MICAL3: variants seen among roughly 807,000 people sequenced by gnomAD.
The protein encoded by MICAL3 is [F-actin]-monooxygenase MICAL3.
Under a neutral mutation model 207.4 loss-of-function variants are expected in MICAL3, and 62 were observed. The observed-to-expected ratio is 0.30, with a 90% CI of 0.24 to 0.37. The LOEUF (loss-of-function observed/expected upper bound fraction) is 0.37. MICAL3 is among the 10% of genes least tolerant of loss of function. MICAL3 has a pLI of 1.00. For missense variants in MICAL3, 2,368 were observed against 2,635.6 expected (o/e 0.90, Z 2.22); for synonymous variants, 1,077 against 1,069.3 (o/e 1.01, Z -0.14).
At chr22:17,928,168 G>A (rs958247071) in intron 1 of MICAL3, among the ~76,000 whole-genome samples, 4 of 152,080 alleles carry the variant, frequency 2.6e-5, no homozygotes, top group African/African-American at 9.7e-5. Context: ...GGCCGGGCGC[G>A]GTGGCTCATG....
chr22:17,882,004 G>GA (rs112683231), intron 16 of MICAL3, among the ~76,000 whole-genome samples: 38,685 of 152,004 alleles, frequency 0.25, 6,807 homozygotes, highest in African/African-American at 0.5. Flanking sequence ...ACCTTCCAAG[G>GA]AAGTCTCATC....
At chr22:18,016,045 A>C (rs917775227) in intron 1 of MICAL3, among the ~76,000 whole-genome samples, 2 of 152,330 alleles carry the variant, frequency 1.3e-5, no homozygotes, top group South Asian at 2.1e-4. Flanking sequence ...TGGTAATTAT[A>C]TGGCTTTTCC....
intron 25 of MICAL3, 113 bp from the exon 26 acceptor site, chr22:17,819,242 TC>T (rs1569079003): frequency 4.7e-6 from 5 of 1,072,172 alleles, no homozygotes; most frequent in Admixed American, 3.5e-5. Context: ...CTGCAGGACT[TC>T]CCCGTCCTTC....
chr22:17,811,117 G>A (rs1470289577), intron 27 of MICAL3: 3 of 296,280 alleles, frequency 1.0e-5, no homozygotes, highest in South Asian at 5.5e-5. Flanking sequence ...AGTGGGGACC[G>A]ACTGTTAGGC....
At chr22:17,976,737 A>T (rs1420640898) in intron 1 of MICAL3, among the ~76,000 whole-genome samples, 1 of 150,158 alleles carries the variant, frequency 6.7e-6, no homozygotes, top group Non-Finnish European at 1.5e-5. Context: ...AAGCTATAAC[A>T]GTCACCAAAC....
chr22:17,832,172 A>G (rs748029970), intron 20 of MICAL3, 65 bp from the exon 21 acceptor site: 111 of 1,527,518 alleles, frequency 7.3e-5, no homozygotes, highest in Middle Eastern at 1.7e-4. Context: ...GGGAAGGGGA[A>G]GGGCCACCAT....
rs529588298 is a variant in MICAL3, at chr22:18,024,274, T to A, written c.-75+7A>T. On this transcript the variant is annotated splice_region_variant and intron_variant, in intron 1 of 31. Transcript: ENST00000441493. ...GCTCGCCCACAGGGGGACTGGAGGG[T>A]ACTCACCGACTAGGGCTTCACAGCC... The A allele has an allele frequency of 6.6e-6, 1 of 152,308 alleles. No individual in the cohort carries two copies. The highest frequency in any genetic ancestry group is 2.1e-4 in the South Asian group (1 of 4,826). 9.4% of individuals were successfully genotyped at this position (152,308 alleles called of 1,614,324 possible).
At chr22:17,965,045 AG>A (rs1377169773) in intron 1 of MICAL3, among the ~76,000 whole-genome samples, 4 of 152,172 alleles carry the variant, frequency 2.6e-5, no homozygotes, top group African/African-American at 9.7e-5. Context: ...TCCCTGCGGT[AG>A]GAAGTCCTCT....
chr22:17,880,893 A>G (rs182137260), intron 16 of MICAL3, among the ~76,000 whole-genome samples: 1 of 152,308 alleles, frequency 6.6e-6, no homozygotes, highest in Non-Finnish European at 1.5e-5. Context: ...GTTTTAGAAA[A>G]ACAGGCTGCT....
chr22:17,972,692 A>G (rs1454741766), intron 1 of MICAL3, among the ~76,000 whole-genome samples: 1 of 152,228 alleles, frequency 6.6e-6, no homozygotes, highest in African/African-American at 2.4e-5. Context: ...GCCCCAGGAA[A>G]AAGGGCAAGG....
chr22:17,988,167 G>A (rs393107), intron 1 of MICAL3, among the ~76,000 whole-genome samples: 35,473 of 152,104 alleles, frequency 0.23, 4,771 homozygotes, highest in East Asian at 0.51. Context: ...CATACTCCTG[G>A]CACTTGGAAA....
chr22:17,833,103 G>A (rs369796111), intron 20 of MICAL3, among the ~76,000 whole-genome samples: 2 of 152,166 alleles, frequency 1.3e-5, no homozygotes, highest in African/African-American at 2.4e-5. Flanking sequence ...TACCCAAACC[G>A]TAGCTCCTCG....
chr22:17,860,949 A>T (rs1215342638), intron 19 of MICAL3: 2 of 984,110 alleles, frequency 2.0e-6, no homozygotes, highest in East Asian at 2.3e-4. Context: ...GGTGCAACAT[A>T]TAAATAAATA....
chr22:17,972,222 T>C (rs1189007628), intron 1 of MICAL3, among the ~76,000 whole-genome samples: 1 of 152,118 alleles, frequency 6.6e-6, no homozygotes, highest in Non-Finnish European at 1.5e-5. Flanking sequence ...GACCATCCCA[T>C]CTCAAACAAA....
At chr22:17,988,664 G>A (rs1465261341) in intron 1 of MICAL3, among the ~76,000 whole-genome samples, 3 of 151,952 alleles carry the variant, frequency 2.0e-5, no homozygotes, top group African/African-American at 7.3e-5. Context: ...CACCATCTTG[G>A]CCAGGCTGGT....
chr22:17,855,266 C>T (rs903838366), intron 19 of MICAL3, among the ~76,000 whole-genome samples: 1 of 152,216 alleles, frequency 6.6e-6, no homozygotes, highest in African/African-American at 2.4e-5. Context: ...AAAAGAGGTA[C>T]AAAATCATCC....
intron 1 of MICAL3, among the ~76,000 whole-genome samples, chr22:17,954,723 TCAAA>T (rs1934527553): frequency 6.6e-6 from 1 of 150,964 alleles, no homozygotes; most frequent in African/African-American, 2.4e-5. Flanking sequence ...GGCAAGTGAG[TCAAA>T]CAAACTGGAT....
Position 17,841,761 on chromosome 22 carries a change from G to C in MICAL3, c.2801+61C>G. On this transcript the variant is annotated intron_variant, in intron 20 of 31. Coordinates refer to ENST00000441493, the MANE Select transcript of MICAL3 (RefSeq NM_015241.3). This position sits in a 1 kb window ranked among gnomAD's most constrained non-coding sequence, Gnocchi z 4.2. ...CACTGAGAAGAAACCGAGACACACAGAGGTGAGGAGGCTCTTAGGGCCGTG... is the reference window on the plus strand; with the variant it reads ...CACTGAGAAGAAACCGAGACACACACAGGTGAGGAGGCTCTTAGGGCCGTG... 6.7e-7 allele frequency: 1 copy of C among 1,498,974 alleles called. No homozygotes were observed. 92.9% of individuals were successfully genotyped at this position (1,498,974 alleles called of 1,614,324 possible). A position where few individuals can be genotyped will look rare whatever the true frequency, so the allele number is the denominator to read the frequency against.
chr22:18,022,421 C>CT (rs1569170786), intron 1 of MICAL3, among the ~76,000 whole-genome samples: 3 of 101,188 alleles, frequency 3.0e-5, no homozygotes, highest in Non-Finnish European at 6.9e-5. Flanking sequence ...TTCCGACCTG[C>CT]ACCCCCACCC....
Sources: gnomAD v4.1 joint callset for allele counts (sites outside exome capture counted in the v4.1 genomes callset) on GRCh38, gnomAD v4.1.1 for gene constraint, Gnocchi (gnomAD v3.1) non-coding constraint, MANE v1.5 for transcripts, NCBI Gene and HGNC (gene_info 2026-07-23, HGNC 2026-07-21) for gene names.